CWC27: variants seen among roughly 807,000 people sequenced by gnomAD.
CWC27 encodes the protein spliceosome-associated protein CWC27 homolog.
Under a neutral mutation model 63.6 loss-of-function variants are expected in CWC27, and 47 were observed. The observed-to-expected ratio is 0.74, with a 90% CI of 0.58 to 0.94. The LOEUF is 0.94. CWC27 is among the 40% of genes least tolerant of loss of function. The pLI is 0.00. For missense variants in CWC27, 495 were observed against 554.3 expected (o/e 0.89, Z 1.07); for synonymous variants, 175 against 179.8 (o/e 0.97, Z 0.22).
intron 10 of CWC27, among the ~76,000 whole-genome samples, chr5:64,831,582 T>TA (rs958568727): frequency 2.0e-5 from 3 of 151,884 alleles, no homozygotes; most frequent in Admixed American, 1.3e-4. Context: ...ACAGAAATTT[T>TA]AAAAAACATT....
In CWC27 at chr5:64,874,624, G is replaced by A. The variant is rs950498003; in HGVS notation, c.939-10819G>A. On this transcript the variant is annotated intron_variant, in intron 10 of 13. Coordinates refer to ENST00000381070, the MANE Select transcript of CWC27 (RefSeq NM_005869.4). ...TGGAGTTACAGACACGCACCACCAT[G>A]CCTGTGATTGTTAAAATCTCTATTT... Among the ~76,000 whole-genome samples, 7 of 151,960 alleles carry A rather than the reference G, an allele frequency of 4.6e-5. No individual in the cohort carries two copies. The East Asian group carries it at 9.6e-4, about 21-fold the overall frequency.
At chr5:64,806,195 T>C (rs1744661929) in intron 10 of CWC27, among the ~76,000 whole-genome samples, 1 of 152,234 alleles carries the variant, frequency 6.6e-6, no homozygotes, top group Non-Finnish European at 1.5e-5. Context: ...TAAATCAGTA[T>C]AATTTGCAAA....
chr5:64,975,982 C>A (rs1233248499), intron 12 of CWC27, among the ~76,000 whole-genome samples: 3 of 152,050 alleles, frequency 2.0e-5, no homozygotes. Context: ...GCAGGAGAAT[C>A]GCTTGAACCT....
chr5:64,854,384 T>C lies in CWC27; in HGVS notation c.939-31059T>C, dbSNP rs10073061. Reference sequence around the variant, plus strand: ...GTGCTATACTGTTTTTCATAGCAACTGCATCGTTTTGCATTCCCACCATCA... The same window carrying C: ...GTGCTATACTGTTTTTCATAGCAACCGCATCGTTTTGCATTCCCACCATCA... On this transcript the variant is annotated intron_variant, in intron 10 of 13. Transcript: ENST00000381070. 3.8e-3 allele frequency among the ~76,000 whole-genome samples: 577 copies of C among 152,368 alleles called. 3 individuals carry two copies. The highest frequency in any genetic ancestry group is 0.014 in the African/African-American group (564 of 41,586).
At chr5:64,953,563 G>A (rs16893261) in intron 11 of CWC27, among the ~76,000 whole-genome samples, 9,891 of 151,934 alleles carry the variant, frequency 0.065, 813 homozygotes, top group African/African-American at 0.19. Context: ...TCACCTCACC[G>A]AGAAGAAAGT....
intron 13 of CWC27, among the ~76,000 whole-genome samples, chr5:64,986,154 G>T (rs1236757164): frequency 1.3e-5 from 2 of 152,106 alleles, no homozygotes; most frequent in Non-Finnish European, 2.9e-5. Flanking sequence ...GTTTCCTGAG[G>T]CCTCCCCAGC....
chr5:64,881,990 T>A (rs539064922), intron 10 of CWC27, among the ~76,000 whole-genome samples: 2 of 152,294 alleles, frequency 1.3e-5, no homozygotes, highest in South Asian at 4.1e-4. Flanking sequence ...ATGGAAGATG[T>A]GTTTGCTGTT....
chr5:64,800,225 A>T (rs771695595), intron 7 of CWC27, 23 bp from the exon 8 acceptor site: 1 of 1,530,536 alleles, frequency 6.5e-7, no homozygotes, highest in South Asian at 1.2e-5. Context: ...CCCCCTCATG[A>T]TTATATTGTA....
chr5:64,908,842 G>T (rs1398259426), intron 11 of CWC27, among the ~76,000 whole-genome samples: 1 of 152,106 alleles, frequency 6.6e-6, no homozygotes, highest in Non-Finnish European at 1.5e-5. Context: ...TATCCAATTT[G>T]CCAGTCTGTG....
intron 3 of CWC27, among the ~76,000 whole-genome samples, chr5:64,782,447 CAAATAAATAAAT>C (rs67366377): frequency 1.3e-3 from 178 of 139,836 alleles, no homozygotes; most frequent in African/African-American, 4.1e-3. Context: ...GACTCCGTCT[CAAATAAATAAAT>C]AAATAAATAA....
At chr5:64,835,400 G>T (rs979178116) in intron 10 of CWC27, among the ~76,000 whole-genome samples, 9 of 151,698 alleles carry the variant, frequency 5.9e-5, no homozygotes. Flanking sequence ...TGTAATCCTG[G>T]CTATGGATGT....
intron 11 of CWC27, among the ~76,000 whole-genome samples, chr5:64,954,138 C>T (rs1748760671): frequency 6.6e-6 from 1 of 152,154 alleles, no homozygotes; most frequent in Admixed American, 6.5e-5. Context: ...ATTCACATTC[C>T]TGTGTCTAAC....
chr5:64,774,556 A>G, intron 1 of CWC27, 135 bp from the exon 2 acceptor site: 4 of 488,282 alleles, frequency 8.2e-6, no homozygotes, highest in Non-Finnish European at 1.4e-5. Context: ...TGAGTATATC[A>G]ACAAAAGCCA....
At chr5:64,842,077 G>T (rs969653172) in intron 10 of CWC27, among the ~76,000 whole-genome samples, 2 of 152,186 alleles carry the variant, frequency 1.3e-5, no homozygotes, top group Admixed American at 1.3e-4. Context: ...TGTTTTAATA[G>T]AATATAGCCA....
intron 7 of CWC27, among the ~76,000 whole-genome samples, chr5:64,789,677 G>A (rs1041731623): frequency 1.3e-5 from 2 of 151,926 alleles, no homozygotes; most frequent in Non-Finnish European, 2.9e-5. Context: ...ATCATAATAC[G>A]CATTACTGAA....
intron 11 of CWC27, among the ~76,000 whole-genome samples, chr5:64,928,994 C>G (rs1026137422): frequency 2.0e-5 from 3 of 150,630 alleles, no homozygotes; most frequent in Non-Finnish European, 3.0e-5. Flanking sequence ...TATAGACATA[C>G]TAATTATAAA....
At chr5:64,860,839 TATC>T (rs1273764693) in intron 10 of CWC27, among the ~76,000 whole-genome samples, 1 of 152,196 alleles carries the variant, frequency 6.6e-6, no homozygotes, top group African/African-American at 2.4e-5. Flanking sequence ...CTTGGTATGT[TATC>T]ATCATACAAA....
intron 2 of CWC27, among the ~76,000 whole-genome samples, chr5:64,776,105 G>A (rs1259565563): frequency 6.8e-5 from 8 of 118,428 alleles, no homozygotes; most frequent in East Asian, 3.2e-4. Flanking sequence ...GAGAGAGAGA[G>A]AGAGAGAGAG....
intron 11 of CWC27, among the ~76,000 whole-genome samples, chr5:64,962,688 T>G (rs971126579): frequency 6.6e-6 from 1 of 152,078 alleles, no homozygotes; most frequent in Non-Finnish European, 1.5e-5. Flanking sequence ...AAGAAAATAA[T>G]GGGAAAAAAT....
Sources: gnomAD v4.1 joint callset for allele counts (sites outside exome capture counted in the v4.1 genomes callset) on GRCh38, gnomAD v4.1.1 for gene constraint, MANE v1.5 for transcripts, NCBI Gene and HGNC (gene_info 2026-07-23, HGNC 2026-07-21) for gene names.